OR9Q1: variants seen among roughly 807,000 people sequenced by gnomAD.
The protein encoded by OR9Q1 is olfactory receptor 9Q1.
For missense variants in OR9Q1, 374 were observed against 378.8 expected, an observed-to-expected ratio of 0.99 and a Z score of 0.11; for synonymous variants, 153 against 148.6, an observed-to-expected ratio of 1.03 and a Z score of -0.22.
chr11:58,124,494 T>C (rs962160479), intron 2 of OR9Q1: 1 of 152,162 alleles, frequency 6.6e-6, no homozygotes, highest in Admixed American at 6.5e-5. Flanking sequence ...ATTGAGTCCC[T>C]TGGGGAGGGT....
At chr11:58,096,323 T>G (rs2120076091) in intron 2 of OR9Q1, among the ~76,000 whole-genome samples, 1 of 152,288 alleles carries the variant, frequency 6.6e-6, no homozygotes, top group East Asian at 1.9e-4. Context: ...CAGATCAAAC[T>G]ATTAAAGATT....
intron 2 of OR9Q1, among the ~76,000 whole-genome samples, chr11:58,159,414 A>G (rs1854437418): frequency 6.6e-6 from 1 of 152,146 alleles, no homozygotes; most frequent in African/African-American, 2.4e-5. Flanking sequence ...ATGGGAAGAT[A>G]CAGAAGCCAC....
intron 2 of OR9Q1, among the ~76,000 whole-genome samples, chr11:58,141,284 C>A (rs908782204): frequency 1.3e-5 from 2 of 152,214 alleles, no homozygotes; most frequent in East Asian, 3.9e-4. Flanking sequence ...AGAGGGCATC[C>A]CTGTCTTGTG....
chr11:58,035,071 C>T (rs552205821), intron 1 of OR9Q1, among the ~76,000 whole-genome samples: 73 of 152,130 alleles, frequency 4.8e-4, no homozygotes, highest in Middle Eastern at 6.8e-3. Flanking sequence ...CTCAAGCGAT[C>T]TGCCACCTTG....
At chr11:58,151,437 T>A (rs1485332706) in intron 2 of OR9Q1, among the ~76,000 whole-genome samples, 7 of 152,302 alleles carry the variant, frequency 4.6e-5, no homozygotes, top group Middle Eastern at 3.4e-3. Flanking sequence ...TTTGCTTTCA[T>A]AGTTTACTTG....
rs141375042 is a variant in OR9Q1, at chr11:58,179,885, G to T, written c.441G>T (p.Gly147=). The part of the protein sequence containing the change: ...TQQARLSLVA[G]AYVAGLISAL... ...AGGCCCGCTTGAGTCTTGTGGCTGG[G>T]GCTTACGTTGCTGGTCTCATCAGTG... The change falls in exon 3 of 3, where the codon GGG becomes GGT. Residue 147 remains glycine, a synonymous_variant. Coordinates refer to ENST00000335397, the MANE Select transcript of OR9Q1 (RefSeq NM_001005212.4). 3.2e-5 allele frequency: 52 copies of T among 1,614,000 alleles called. No homozygotes were observed. Among genetic ancestry groups the T allele is most frequent in the Non-Finnish European group, 4.2e-5 (50 of 1,180,038 alleles).
chr11:58,054,966 G>A (rs976429), intron 1 of OR9Q1, among the ~76,000 whole-genome samples: 39,797 of 152,024 alleles, frequency 0.26, 5,744 homozygotes, highest in East Asian at 0.6. Flanking sequence ...TTTTGCACCA[G>A]TCAAATATAT....
chr11:58,159,105 T>G (rs1854434825), intron 2 of OR9Q1, among the ~76,000 whole-genome samples: 1 of 152,160 alleles, frequency 6.6e-6, no homozygotes, highest in South Asian at 2.1e-4. Flanking sequence ...AAAAATCAGA[T>G]GTATCAGGAC....
chr11:58,133,909 AG>A (rs35527946), intron 2 of OR9Q1, among the ~76,000 whole-genome samples: 17,053 of 152,156 alleles, frequency 0.11, 1,505 homozygotes, highest in Admixed American at 0.24. Context: ...ATTGGTCAGA[AG>A]GGGTCACTGC....
At chr11:58,045,734 CT>C (rs1853210046) in intron 1 of OR9Q1, among the ~76,000 whole-genome samples, 1 of 152,170 alleles carries the variant, frequency 6.6e-6, no homozygotes, top group Non-Finnish European at 1.5e-5. Context: ...TAATTTTCCC[CT>C]AGCCCCAACA....
In OR9Q1 at chr11:58,085,731, A is replaced by T. The variant is rs116678303; in HGVS notation, c.-15+29784A>T. 5.9e-3 allele frequency among the ~76,000 whole-genome samples: 894 copies of T among 151,988 alleles called. 27 individuals carry two copies. Among genetic ancestry groups the T allele is most frequent in the African/African-American group, 0.021 (863 of 41,262 alleles). ...TATGTTTGATAAATATAAAACTAAT[A>T]ATCTTCAATGGGCTCTTTACTATAG... is the stretch of plus-strand genomic sequence containing the variant. On this transcript the variant is annotated intron_variant, in intron 2 of 2. Coordinates refer to ENST00000335397, the MANE Select transcript of OR9Q1 (RefSeq NM_001005212.4).
chr11:58,150,240 A>C (rs1854337312), intron 2 of OR9Q1, among the ~76,000 whole-genome samples: 1 of 152,012 alleles, frequency 6.6e-6, no homozygotes, highest in African/African-American at 2.4e-5. Context: ...CCATGTTCTT[A>C]TTGGCCACTT....
At chr11:58,097,482 C>G (rs1357271217) in intron 2 of OR9Q1, among the ~76,000 whole-genome samples, 2 of 152,174 alleles carry the variant, frequency 1.3e-5, no homozygotes, top group Admixed American at 1.3e-4. Flanking sequence ...TACGAAGAAA[C>G]TGTAACTCTC....
At chr11:58,120,555 C>A (rs950483977) in intron 2 of OR9Q1, among the ~76,000 whole-genome samples, 1 of 151,646 alleles carries the variant, frequency 6.6e-6, no homozygotes, top group Non-Finnish European at 1.5e-5. Flanking sequence ...ATATCCATCA[C>A]CCGAGCAGTA....
chr11:58,181,112 C>G lies in OR9Q1; in HGVS notation c.*735C>G, dbSNP rs1446093067. The G allele has an allele frequency of 1.2e-5, 2 of 167,044 alleles. No individual in the cohort carries two copies. The highest frequency in any genetic ancestry group is 1.9e-4 in the East Asian group (1 of 5,200). The allele number at this position is 167,044 out of a possible 1,614,324, so 10.3% of individuals were successfully genotyped here. On this transcript the variant is annotated 3_prime_UTR_variant, in exon 3 of 3. Coordinates refer to ENST00000335397, the MANE Select transcript of OR9Q1 (RefSeq NM_001005212.4). Reference sequence around the variant, plus strand: ...CCTACAATAACATGTCTGTCAATTGCTATCACCTCTGGATATATGCCCTGT... The same window carrying G: ...CCTACAATAACATGTCTGTCAATTGGTATCACCTCTGGATATATGCCCTGT...
At chr11:58,152,145 G>A (rs12807327) in intron 2 of OR9Q1, among the ~76,000 whole-genome samples, 46,159 of 152,000 alleles carry the variant, frequency 0.3, 7,439 homozygotes, top group East Asian at 0.62. Context: ...TTGGTATGAG[G>A]ACCCGGGGAG....
rs147301608 is a variant in OR9Q1 at position 58,098,313 on chromosome 11, CTTGT to C, written c.-15+42369_-15+42372del. 3.6e-3 allele frequency among the ~76,000 whole-genome samples: 545 copies of C among 152,118 alleles called. 3 individuals are homozygous for C. The highest frequency in any genetic ancestry group is 0.01 in the Middle Eastern group (3 of 294). On this transcript the variant is annotated intron_variant, in intron 2 of 2. Coordinates refer to ENST00000335397, the MANE Select transcript of OR9Q1 (RefSeq NM_001005212.4). ...TGTGACTATTCAGATTCTATTTCTT[CTTGT>C]TTTAGTTTATGAAAGTTAACTTTAT...
At chr11:58,138,582 T>C (rs1024741575) in intron 2 of OR9Q1, among the ~76,000 whole-genome samples, 1 of 152,220 alleles carries the variant, frequency 6.6e-6, no homozygotes, top group Admixed American at 6.5e-5. Context: ...ATTTAAATTG[T>C]ATTTTTTCTT....
At chr11:58,037,119 T>C (rs61903969) in intron 1 of OR9Q1, among the ~76,000 whole-genome samples, 24,593 of 152,222 alleles carry the variant, frequency 0.16, 2,117 homozygotes, top group Non-Finnish European at 0.2. Context: ...ACCACCCTGA[T>C]TGGACAGCAG....
Sources: gnomAD v4.1 joint callset for allele counts (sites outside exome capture counted in the v4.1 genomes callset) on GRCh38, gnomAD v4.1.1 for gene constraint, MANE v1.5 for transcripts, NCBI Gene and HGNC (gene_info 2026-07-23, HGNC 2026-07-21) for gene names.